The following PTPRT variants were observed in gnomAD, a reference collection of about 807,000 sequenced individuals.
The protein encoded by PTPRT is protein tyrosine phosphatase receptor type T.
PTPRT carries 56 observed loss-of-function variants against 176.8 expected under a neutral mutation model. The observed-to-expected ratio is 0.32, with a 90% CI of 0.26 to 0.40. PTPRT has a LOEUF of 0.40. PTPRT is among the 10% of genes least tolerant of loss of function. The probability of loss-of-function intolerance (pLI) is 1.00; values close to 1 mark genes in which losing one functional copy is unlikely to be tolerated. For missense variants in PTPRT, 1,540 were observed against 1,908.2 expected, an observed-to-expected ratio of 0.81 and a Z score of 3.60; for synonymous variants, 783 against 739.0, an observed-to-expected ratio of 1.06 and a Z score of -0.96.
At chr20:42,443,467 T>C (rs934293834) in intron 9 of PTPRT, among the ~76,000 whole-genome samples, 2 of 152,378 alleles carry the variant, frequency 1.3e-5, no homozygotes, top group Admixed American at 6.5e-5. Context: ...GGAATGATCA[T>C]AGAATTGCAT....
At chr20:42,066,619 C>G in the PTPRT span, among the ~76,000 whole-genome samples, 1 of 152,152 alleles carries the variant, frequency 6.6e-6, no homozygotes, top group African/African-American at 2.4e-5. Flanking sequence ...AAACTACCTG[C>G]TCTTGTATCT....
At chr20:42,737,224 G>T (rs574082279) in intron 6 of PTPRT, among the ~76,000 whole-genome samples, 1 of 152,290 alleles carries the variant, frequency 6.6e-6, no homozygotes, top group Non-Finnish European at 1.5e-5. Context: ...AGGAACATTT[G>T]GATGCAGAAA....
intron 1 of PTPRT, among the ~76,000 whole-genome samples, chr20:42,947,647 T>C (rs1047491320): frequency 3.9e-5 from 6 of 152,174 alleles, no homozygotes; most frequent in African/African-American, 1.4e-4. Context: ...ATCTCCTCAA[T>C]GTCTCTTTCA....
chr20:42,848,781 T>C (rs147130881), intron 2 of PTPRT, among the ~76,000 whole-genome samples: 95 of 152,330 alleles, frequency 6.2e-4, no homozygotes, highest in African/African-American at 2.0e-3. Flanking sequence ...ATTCTGCTGA[T>C]TGTTTCTTTG....
At chr20:43,006,911 C>T (rs563468564) in intron 1 of PTPRT, among the ~76,000 whole-genome samples, 5 of 152,210 alleles carry the variant, frequency 3.3e-5, no homozygotes, top group African/African-American at 1.2e-4. Flanking sequence ...GCACAGAAGT[C>T]CCTGAGACCA....
At chr20:43,137,583 T>G (rs2013872270) in intron 1 of PTPRT, among the ~76,000 whole-genome samples, 1 of 152,214 alleles carries the variant, frequency 6.6e-6, no homozygotes, top group Non-Finnish European at 1.5e-5. Flanking sequence ...ACTGAGCCTC[T>G]GGCTGTTCTC....
At chr20:42,478,657 G>T (rs1377719506) in intron 7 of PTPRT, among the ~76,000 whole-genome samples, 2 of 151,866 alleles carry the variant, frequency 1.3e-5, no homozygotes, top group Non-Finnish European at 2.9e-5. Flanking sequence ...TATTTTCAAG[G>T]CCCAGCTCCA....
chr20:42,225,705 C>G (rs532657731), intron 15 of PTPRT, among the ~76,000 whole-genome samples: 2 of 152,154 alleles, frequency 1.3e-5, no homozygotes, highest in Non-Finnish European at 2.9e-5. Context: ...CAGGCTGGAG[C>G]GCAGCTGCAC....
intron 6 of PTPRT, among the ~76,000 whole-genome samples, chr20:42,737,632 C>CAAA (rs3064883): frequency 1.2e-3 from 180 of 144,840 alleles, no homozygotes; most frequent in East Asian, 7.8e-3. Flanking sequence ...ATTCTGCCTC[C>CAAA]AAAAAAAAAA....
intron 6 of PTPRT, among the ~76,000 whole-genome samples, chr20:42,737,615 G>A (rs2076558834): frequency 7.1e-6 from 1 of 140,254 alleles, no homozygotes; most frequent in Non-Finnish European, 1.5e-5. Context: ...CTGTGTGATA[G>A]AGCAAGATTC....
At chr20:42,145,439 G>T (rs1414769904) in intron 17 of PTPRT, among the ~76,000 whole-genome samples, 1 of 152,180 alleles carries the variant, frequency 6.6e-6, no homozygotes, top group Non-Finnish European at 1.5e-5. Context: ...GGTGGAGGTT[G>T]CAGTGAGCCG....
chr20:42,755,234 A>G (rs1295848085), intron 6 of PTPRT, among the ~76,000 whole-genome samples: 1 of 152,160 alleles, frequency 6.6e-6, no homozygotes, highest in African/African-American at 2.4e-5. Flanking sequence ...GACAGCCAGC[A>G]TAGAGAATCC....
chr20:42,366,775 G>C (rs920879578), intron 9 of PTPRT, among the ~76,000 whole-genome samples: 29 of 152,076 alleles, frequency 1.9e-4, no homozygotes, highest in Non-Finnish European at 3.8e-4. Context: ...GCACATGTGA[G>C]GAAGCTGATT....
chr20:42,217,231 G>T (rs756464152), intron 15 of PTPRT, among the ~76,000 whole-genome samples: 4 of 151,864 alleles, frequency 2.6e-5, no homozygotes, highest in African/African-American at 2.4e-5. Context: ...AAATTAGCCC[G>T]GTGTGGTGAC....
chr20:43,145,135 A>T (rs1178241031), intron 1 of PTPRT, among the ~76,000 whole-genome samples: 1 of 152,182 alleles, frequency 6.6e-6, no homozygotes, highest in Non-Finnish European at 1.5e-5. Context: ...CTGCCCATTT[A>T]TCTGTCTCCT....
chr20:42,184,546 CTTCTTCTTCTTCTTA>C (rs1283529774), intron 16 of PTPRT, among the ~76,000 whole-genome samples: 31 of 105,948 alleles, frequency 2.9e-4, no homozygotes, highest in African/African-American at 1.1e-3. Flanking sequence ...TCTTCCTCTT[CTTCTTCTTCTTCTTA>C]TTCTTCTTCT....
In PTPRT at chr20:42,637,723, C is replaced by T. The variant is rs150006083; in HGVS notation, c.1153+40143G>A. 2.4e-3 allele frequency among the ~76,000 whole-genome samples: 361 copies of T among 152,156 alleles called. 3 individuals carry two copies. The highest frequency in any genetic ancestry group is 8.4e-3 in the African/African-American group (349 of 41,488). On this transcript the variant is annotated intron_variant, in intron 7 of 30. Coordinates refer to ENST00000373187, the MANE Select transcript of PTPRT (RefSeq NM_007050.6). Reference sequence around the variant, plus strand: ...ACTTGGTTTGATTCACTGCTGAGTTCCCAGTGCATAAGAAAGTATCTGACA... The same window carrying T: ...ACTTGGTTTGATTCACTGCTGAGTTTCCAGTGCATAAGAAAGTATCTGACA...
At chr20:42,493,853 G>A (rs61472005) in intron 7 of PTPRT, among the ~76,000 whole-genome samples, 3,936 of 151,898 alleles carry the variant, frequency 0.026, 103 homozygotes, top group African/African-American at 0.065. Context: ...CTCTCCCCAA[G>A]CTGCTCAACA....
chr20:42,606,483 G>A (rs1350330479), intron 7 of PTPRT, among the ~76,000 whole-genome samples: 1 of 152,206 alleles, frequency 6.6e-6, no homozygotes, highest in Non-Finnish European at 1.5e-5. Flanking sequence ...CTGGGGGAAT[G>A]ACAGCCGCCA....
Sources: allele counts gnomAD v4.1 joint callset (sites outside exome capture counted in the v4.1 genomes callset), GRCh38; gene constraint gnomAD v4.1.1; transcripts MANE v1.5; gene names NCBI Gene and HGNC (gene_info 2026-07-23, HGNC 2026-07-21).